Variants in MAP4 observed in about 807,000 individuals in gnomAD.
MAP4 encodes microtubule-associated protein 4.
Under a neutral mutation model 170.2 loss-of-function variants are expected in MAP4, and 76 were observed. That is an observed-to-expected ratio of 0.45 (90% CI 0.37 to 0.54). The LOEUF (loss-of-function observed/expected upper bound fraction) is 0.54, where lower values mean the gene tolerates loss of function less well. Among genes scored for constraint, MAP4 ranks in the 20% least tolerant of loss-of-function variants. The probability of loss-of-function intolerance (pLI) is 0.00; values close to 1 mark genes in which losing one functional copy is unlikely to be tolerated. For synonymous variants in MAP4, 909 were observed against 994.5 expected, an observed-to-expected ratio of 0.91 and a Z score of 1.62; for missense variants, 2,506 against 2,748.0, an observed-to-expected ratio of 0.91 and a Z score of 1.97.
chr3:47,938,791 A>G (rs895479862), intron 3 of MAP4, among the ~76,000 whole-genome samples: 1 of 152,330 alleles, frequency 6.6e-6, no homozygotes, highest in South Asian at 2.1e-4. Context: ...ATACTTGTTC[A>G]GTTCTAAAAT....
At chr3:48,053,536 T>TCA (rs556969949) in intron 1 of MAP4, among the ~76,000 whole-genome samples, 147 of 152,296 alleles carry the variant, frequency 9.7e-4, no homozygotes, top group African/African-American at 3.2e-3. Context: ...ACTTTTATTT[T>TCA]TTTTATTTTT....
chr3:47,924,033 T>C (rs2100044445), intron 4 of MAP4, among the ~76,000 whole-genome samples: 1 of 152,206 alleles, frequency 6.6e-6, no homozygotes, highest in South Asian at 2.1e-4. Context: ...AGATGGGAGC[T>C]TGCTAAATTA....
intron 13 of MAP4, 41 bp downstream of exon 13, chr3:47,871,876 T>C (rs1362472521): frequency 6.4e-7 from 1 of 1,560,670 alleles, no homozygotes; most frequent in Admixed American, 1.8e-5. Flanking sequence ...GATCCCATTT[T>C]CCCCTCCCTA....
intron 1 of MAP4, among the ~76,000 whole-genome samples, chr3:48,030,832 G>A (rs1017871795): frequency 6.7e-5 from 10 of 149,212 alleles, no homozygotes; most frequent in African/African-American, 2.2e-4. Context: ...AAAGATAGGG[G>A]TAACTCAATT....
intron 1 of MAP4, among the ~76,000 whole-genome samples, chr3:48,057,977 G>GA (rs1224933914): frequency 6.6e-6 from 1 of 152,144 alleles, no homozygotes; most frequent in East Asian, 1.9e-4. Flanking sequence ...GCTGAACTAT[G>GA]AGTTACATAT....
intron 10 of MAP4, among the ~76,000 whole-genome samples, chr3:47,894,589 TA>T (rs1169982364): frequency 2.3e-5 from 3 of 127,866 alleles, no homozygotes; most frequent in Non-Finnish European, 5.3e-5. Flanking sequence ...TCTCAAAAAA[TA>T]AAAAAAAAAG....
intron 3 of MAP4, among the ~76,000 whole-genome samples, chr3:47,966,270 C>A (rs2100074953): frequency 4.1e-5 from 3 of 73,626 alleles, no homozygotes; most frequent in Non-Finnish European, 5.0e-5. Context: ...TTTTTTGAGA[C>A]AGAGTCTTGC....
At chr3:48,034,253 T>G (rs2100117632) in intron 1 of MAP4, among the ~76,000 whole-genome samples, 1 of 152,192 alleles carries the variant, frequency 6.6e-6, no homozygotes, top group African/African-American at 2.4e-5. Flanking sequence ...AAAGGAATGA[T>G]CTCATCCCAC....
chr3:47,861,666 AAACAACAAC>A (rs538497304), intron 17 of MAP4, among the ~76,000 whole-genome samples: 14 of 151,406 alleles, frequency 9.2e-5, no homozygotes, highest in Admixed American at 3.3e-4. Flanking sequence ...TCTGTCTTTA[AAACAACAAC>A]AACAACAACA....
At chr3:47,922,208 C>CA (rs1158844240) in intron 4 of MAP4, among the ~76,000 whole-genome samples, 1 of 151,950 alleles carries the variant, frequency 6.6e-6, no homozygotes, top group African/African-American at 2.4e-5. Flanking sequence ...CTCGGCCTCC[C>CA]AAAGTATTAG....
At chr3:47,856,338 A>C (rs2056338665) in intron 18 of MAP4, among the ~76,000 whole-genome samples, 1 of 152,224 alleles carries the variant, frequency 6.6e-6, no homozygotes, top group African/African-American at 2.4e-5. Flanking sequence ...ATCTGATAGG[A>C]GATTTCCCAG....
At chr3:48,028,267 G>A (rs1350667276) in intron 1 of MAP4, among the ~76,000 whole-genome samples, 1 of 151,916 alleles carries the variant, frequency 6.6e-6, no homozygotes, top group Non-Finnish European at 1.5e-5. Context: ...ACTCTAGCAT[G>A]GGCAACAAAG....
chr3:47,988,518 T>C (rs986124584), intron 2 of MAP4, among the ~76,000 whole-genome samples: 2 of 152,126 alleles, frequency 1.3e-5, no homozygotes, highest in African/African-American at 2.4e-5. Context: ...ATATGACTTA[T>C]GAATATGAAC....
chr3:48,017,485 T>C (rs980435721), upstream of MAP4, among the ~76,000 whole-genome samples: 3 of 120,300 alleles, frequency 2.5e-5, no homozygotes, highest in Non-Finnish European at 4.8e-5. Context: ...TTCTTTTTTC[T>C]TTTTTTTTTT....
In MAP4 at chr3:47,861,353, CT is replaced by C. The variant is rs35553466; in HGVS notation, c.6502-3842del. Among the ~76,000 whole-genome samples, 234 of 132,274 alleles carry C rather than the reference CT, an allele frequency of 1.8e-3. 1 individual carries two copies. Among genetic ancestry groups the C allele is most frequent in the East Asian group, 5.9e-3 (27 of 4,552 alleles). 86.8% of individuals were successfully genotyped at this position (132,274 alleles called of 152,430 possible). Reference sequence around the variant, plus strand: ...CCTGGGTGACAAAACGAGACTCCGTCTTTTTTTTTTTTTTTTTTGAGACCAA... The same window carrying C: ...CCTGGGTGACAAAACGAGACTCCGTCTTTTTTTTTTTTTTTTTGAGACCAA... On this transcript the variant is annotated intron_variant, in intron 17 of 20. Coordinates refer to ENST00000683076, the MANE Select transcript of MAP4 (RefSeq NM_001385682.1).
intron 1 of MAP4, among the ~76,000 whole-genome samples, chr3:48,066,795 A>G (rs1302511294): frequency 1.3e-5 from 1 of 78,734 alleles, no homozygotes; most frequent in African/African-American, 5.0e-5. Flanking sequence ...CCACCTCTTT[A>G]TTCTCTAAAT....
intron 1 of MAP4, among the ~76,000 whole-genome samples, chr3:48,060,514 G>T (rs767198421): frequency 4.6e-5 from 7 of 152,108 alleles, no homozygotes; most frequent in African/African-American, 1.2e-4. Flanking sequence ...GGACTTTACT[G>T]AAGTTAAAAA....
chr3:47,969,423 G>GAAA (rs56969265), intron 3 of MAP4, among the ~76,000 whole-genome samples: 1 of 145,540 alleles, frequency 6.9e-6, no homozygotes, highest in Non-Finnish European at 1.5e-5. Flanking sequence ...CGCGGGGAGA[G>GAAA]AAAAAAAAAA....
chr3:47,886,828 G>GT (rs1234924872), intron 10 of MAP4, among the ~76,000 whole-genome samples: 4 of 152,122 alleles, frequency 2.6e-5, no homozygotes, highest in African/African-American at 9.7e-5. Flanking sequence ...ATCTTCACCT[G>GT]TTATATTTCC....
Sources: gnomAD v4.1 joint callset for allele counts (sites outside exome capture counted in the v4.1 genomes callset) on GRCh38, gnomAD v4.1.1 for gene constraint, MANE v1.5 for transcripts, NCBI Gene and HGNC (gene_info 2026-07-23, HGNC 2026-07-21) for gene names.